Variants in RIMKLB observed in about 807,000 individuals in gnomAD.
The protein encoded by RIMKLB is beta-citrylglutamate synthase B.
A neutral mutation model predicts 32.0 loss-of-function variants in RIMKLB; 7 were observed. That is an observed-to-expected ratio of 0.22 (90% CI 0.12 to 0.41). The LOEUF is 0.41. Among genes scored for constraint, RIMKLB ranks in the 10% least tolerant of loss-of-function variants. RIMKLB has a pLI of 1.00. For synonymous variants in RIMKLB, 172 were observed against 185.1 expected (o/e 0.93, Z 0.57); for missense variants, 289 against 498.7 (o/e 0.58, Z 4.00).
intron 2 of RIMKLB, among the ~76,000 whole-genome samples, chr12:8,748,558 G>GTGTGTATA (rs61024080): frequency 1.8e-5 from 1 of 56,266 alleles, no homozygotes; most frequent in Non-Finnish European, 4.4e-5. Flanking sequence ...GTGTGTGTGT[G>GTGTGTATA]CATATATATA....
At chr12:8,695,694 CTTT>C (rs397951288), upstream of RIMKLB, among the ~76,000 whole-genome samples, 14 of 132,728 alleles carry the variant, frequency 1.1e-4, no homozygotes, top group Admixed American at 3.8e-4. Context: ...TGAATAGCAA[CTTT>C]TTTTTTTTTT....
At chr12:8,678,494 CTA>C (rs1942358086), upstream of RIMKLB, among the ~76,000 whole-genome samples, 1 of 151,598 alleles carries the variant, frequency 6.6e-6, no homozygotes, top group South Asian at 2.1e-4. Context: ...CCACGCTCTG[CTA>C]ATTTTGTTTT....
intron 5 of RIMKLB, among the ~76,000 whole-genome samples, chr12:8,759,999 G>A (rs972761186): frequency 6.6e-6 from 1 of 152,104 alleles, no homozygotes; most frequent in Non-Finnish European, 1.5e-5. Flanking sequence ...ACAACGTGCA[G>A]GTTTGTTACA....
chr12:8,736,202 A>G (rs915195933), intron 2 of RIMKLB, among the ~76,000 whole-genome samples: 1 of 152,170 alleles, frequency 6.6e-6, no homozygotes, highest in South Asian at 2.1e-4. Context: ...GAAAGCTACA[A>G]GTTTGGTGTC....
chr12:8,751,752 T>G (rs1416294436), intron 3 of RIMKLB, among the ~76,000 whole-genome samples: 1 of 152,214 alleles, frequency 6.6e-6, no homozygotes, highest in Non-Finnish European at 1.5e-5. Context: ...TCAGAATATG[T>G]ATAGATTAAG....
intron 1 of RIMKLB, among the ~76,000 whole-genome samples, chr12:8,684,420 G>T (rs750005141): frequency 6.6e-6 from 1 of 151,584 alleles, no homozygotes; most frequent in Non-Finnish European, 1.5e-5. Flanking sequence ...TGATCCACCC[G>T]CCCCCGCCTC....
chr12:8,755,548 A>AT (rs1189869100), intron 5 of RIMKLB, among the ~76,000 whole-genome samples: 4 of 152,256 alleles, frequency 2.6e-5, no homozygotes, highest in African/African-American at 9.6e-5. Flanking sequence ...AAATCTGACC[A>AT]TTTTTTACCA....
At chr12:8,727,164 GAC>G (rs150911891) in intron 2 of RIMKLB, among the ~76,000 whole-genome samples, 33 of 151,846 alleles carry the variant, frequency 2.2e-4, no homozygotes, top group Admixed American at 1.7e-3. Context: ...CGTGCACACA[GAC>G]ACACACACAC....
intron 2 of RIMKLB, among the ~76,000 whole-genome samples, chr12:8,731,119 G>A (rs1387994811): frequency 1.4e-5 from 2 of 143,018 alleles, no homozygotes; most frequent in Non-Finnish European, 3.0e-5. Context: ...TCTTTGAGAC[G>A]GAGTTTCGCT....
In RIMKLB at chr12:8,711,940, G is replaced by A. The variant is rs77559937; in HGVS notation, c.-56-1871G>A. Among the ~76,000 whole-genome samples, 140 of 152,244 alleles carry A rather than the reference G, an allele frequency of 9.2e-4. 1 individual carries two copies. The East Asian group carries it at 0.017, about 18-fold the overall frequency. ...CGAAATGCAACCCATAAAAAAAGTC[G>A]TTCCATCAGGTTGAATTGACAGTGC... On this transcript the variant is annotated intron_variant, in intron 1 of 5. Coordinates refer to ENST00000535829, the MANE Select transcript of RIMKLB (RefSeq NM_001297776.2).
intron 4 of RIMKLB, 26 bp downstream of exon 4, chr12:8,752,069 T>TATA: frequency 6.9e-7 from 1 of 1,442,298 alleles, no homozygotes; most frequent in Non-Finnish European, 9.7e-7. Context: ...TGGTAAGGTA[T>TATA]ATAGTTTTGA....
chr12:8,775,306 A>C lies in RIMKLB; in HGVS notation c.*1522A>C. The C allele has an allele frequency of 1.0e-6, 1 of 985,278 alleles. No individual in the cohort carries two copies. Among genetic ancestry groups the C allele is most frequent in the Middle Eastern group, 5.2e-4 (1 of 1,914 alleles). 61.0% of individuals were successfully genotyped at this position (985,278 alleles called of 1,614,324 possible). The stretch of plus-strand genomic sequence containing the variant: ...TACTCTTAAGCCTTCAATACTGTCC[A>C]CTCTTTATATTCCTTTACTTGCAGA... On this transcript the variant is annotated 3_prime_UTR_variant, in exon 6 of 6. Coordinates refer to ENST00000535829, the MANE Select transcript of RIMKLB (RefSeq NM_001297776.2).
At chr12:8,725,855 G>A (rs753457729) in intron 2 of RIMKLB, among the ~76,000 whole-genome samples, 4 of 151,986 alleles carry the variant, frequency 2.6e-5, no homozygotes, top group African/African-American at 4.8e-5. Context: ...TTTTTGGTTC[G>A]TTTGTTTTTT....
chr12:8,694,368 A>G (rs1298777018), upstream of RIMKLB, among the ~76,000 whole-genome samples: 3 of 148,944 alleles, frequency 2.0e-5, no homozygotes, highest in Non-Finnish European at 4.4e-5. Context: ...GTGAGCCATC[A>G]CACTCAACAT....
intron 5 of RIMKLB, among the ~76,000 whole-genome samples, chr12:8,758,877 G>A (rs1264179292): frequency 1.3e-5 from 2 of 152,126 alleles, no homozygotes; most frequent in Non-Finnish European, 2.9e-5. Context: ...TGCTTTTTAT[G>A]TATGAATACC....
chr12:8,695,185 C>G (rs990415945), upstream of RIMKLB, among the ~76,000 whole-genome samples: 2 of 133,912 alleles, frequency 1.5e-5, no homozygotes, highest in Non-Finnish European at 3.3e-5. Context: ...ATTGCCGCAC[C>G]GCCCCGCCCC....
At chr12:8,674,841 C>T in the RIMKLB span, among the ~76,000 whole-genome samples, 2,256 of 150,692 alleles carry the variant, frequency 0.015, 77 homozygotes, top group East Asian at 0.13. Context: ...TGAGCCACTG[C>T]GTCCAGCCTT....
chr12:8,746,830 T>A (rs1948138646), intron 2 of RIMKLB, among the ~76,000 whole-genome samples: 1 of 152,088 alleles, frequency 6.6e-6, no homozygotes, highest in Admixed American at 6.6e-5. Context: ...AGTCTTAAAC[T>A]CCTGGGCTCA....
At chr12:8,767,622 A>T (rs193258846) in intron 5 of RIMKLB, among the ~76,000 whole-genome samples, 177 of 152,234 alleles carry the variant, frequency 1.2e-3, no homozygotes, top group African/African-American at 4.1e-3. Flanking sequence ...TTGAGTAGAG[A>T]CTTCTGTCTG....
Sources: allele counts gnomAD v4.1 joint callset (sites outside exome capture counted in the v4.1 genomes callset), GRCh38; gene constraint gnomAD v4.1.1; transcripts MANE v1.5; gene names NCBI Gene and HGNC (gene_info 2026-07-23, HGNC 2026-07-21).